The following RBFOX1 variants were observed in gnomAD, a reference collection of about 807,000 sequenced individuals.
The protein encoded by RBFOX1 is RNA binding fox-1 homolog 1, also known as RNA binding protein fox-1 homolog 1.
In RBFOX1, 8 loss-of-function variants were observed where a neutral mutation model predicts 57.7. That is an observed-to-expected ratio of 0.14 (90% CI 0.08 to 0.25). The LOEUF (loss-of-function observed/expected upper bound fraction) is 0.25, where lower values mean the gene tolerates loss of function less well. Ranked by LOEUF, RBFOX1 falls within the 10% of genes least tolerant of loss-of-function variation. The pLI is 1.00. For missense variants in RBFOX1, 611 were observed against 548.5 expected (o/e 1.11, Z -1.14); for synonymous variants, 326 against 222.4 (o/e 1.47, Z -4.15).
intron 2 of RBFOX1, among the ~76,000 whole-genome samples, chr16:6,528,802 C>T (rs1645783516): frequency 6.6e-6 from 1 of 152,146 alleles, no homozygotes; most frequent in African/African-American, 2.4e-5. Flanking sequence ...CACTAGGTGA[C>T]AGTAGCATTC....
chr16:7,108,910 T>G (rs1459335614), intron 4 of RBFOX1, among the ~76,000 whole-genome samples: 1 of 152,170 alleles, frequency 6.6e-6, no homozygotes, highest in African/African-American at 2.4e-5. Flanking sequence ...GGTTGGTTTG[T>G]CTGTACTGAC....
chr16:6,301,352 T>C (rs534370068), intron 1 of RBFOX1, among the ~76,000 whole-genome samples: 1 of 152,304 alleles, frequency 6.6e-6, no homozygotes, highest in Non-Finnish European at 1.5e-5. Flanking sequence ...TTTTTCCAAT[T>C]GCCTAGATAG....
intron 3 of RBFOX1, among the ~76,000 whole-genome samples, chr16:5,760,234 C>T (rs555908761): frequency 3.3e-5 from 5 of 151,874 alleles, no homozygotes; most frequent in Non-Finnish European, 7.4e-5. Context: ...ATCTATGGTC[C>T]CAGGCAAACA....
chr16:7,347,770 C>G (rs562937242), intron 4 of RBFOX1, among the ~76,000 whole-genome samples: 1 of 152,104 alleles, frequency 6.6e-6, no homozygotes, highest in Non-Finnish European at 1.5e-5. Flanking sequence ...GAACTATGCC[C>G]GAGACCCCCA....
intron 4 of RBFOX1, among the ~76,000 whole-genome samples, chr16:7,353,262 T>C (rs1366327813): frequency 2.0e-5 from 3 of 152,152 alleles, no homozygotes; most frequent in African/African-American, 7.2e-5. Flanking sequence ...CTATTACAAA[T>C]GCATTGATGA....
At chr16:6,553,252 C>T (rs1200835646) in intron 2 of RBFOX1, among the ~76,000 whole-genome samples, 1 of 152,160 alleles carries the variant, frequency 6.6e-6, no homozygotes, top group African/African-American at 2.4e-5. Context: ...CACTATAAAT[C>T]AATAGTTTCC....
intron 3 of RBFOX1, among the ~76,000 whole-genome samples, chr16:6,713,635 C>T (rs1568322334): frequency 1.3e-5 from 2 of 152,288 alleles, no homozygotes; most frequent in South Asian, 4.1e-4. Flanking sequence ...TTGGGAACAA[C>T]AGCTTCAAAC....
intron 1 of RBFOX1, among the ~76,000 whole-genome samples, chr16:6,153,548 C>T (rs1227900841): frequency 6.6e-6 from 1 of 151,408 alleles, no homozygotes; most frequent in Non-Finnish European, 1.5e-5. Flanking sequence ...TTTTTTTTTC[C>T]CCCTTGGGAT....
intron 2 of RBFOX1, among the ~76,000 whole-genome samples, chr16:5,498,112 T>A (rs2043063584): frequency 6.6e-6 from 1 of 152,074 alleles, no homozygotes; most frequent in South Asian, 2.1e-4. Context: ...ACTGAAGGTC[T>A]TAGTAAGGGG....
At chr16:6,042,332 A>G (rs57353382) in intron 1 of RBFOX1, among the ~76,000 whole-genome samples, 19,247 of 151,756 alleles carry the variant, frequency 0.13, 1,469 homozygotes, top group African/African-American at 0.2. Flanking sequence ...ATCTCTTAAC[A>G]TTGGGATTTG....
In RBFOX1 at chr16:7,322,355, T is replaced by A. The variant is rs190400671; in HGVS notation, c.28-195792T>A. On this transcript the variant is annotated intron_variant, in intron 4 of 15. Coordinates refer to ENST00000550418, the MANE Select transcript of RBFOX1 (RefSeq NM_018723.4). The stretch of plus-strand genomic sequence containing the variant: ...CTGCCAAGCTGTGGTGAATGCTGAC[T>A]GGCAGGTTCATAGCGTCAAAGTCAC... 2.0e-5 allele frequency among the ~76,000 whole-genome samples: 3 copies of A among 152,368 alleles called. No individual in the cohort carries two copies. The East Asian group carries it at 5.8e-4, about 29-fold the overall frequency.
intron 1 of RBFOX1, among the ~76,000 whole-genome samples, chr16:6,073,326 C>T (rs1383874996): frequency 4.6e-5 from 7 of 152,114 alleles, no homozygotes; most frequent in African/African-American, 1.7e-4. Flanking sequence ...TATTTTTGCA[C>T]CAACCTAATA....
At chr16:7,293,159 A>T (rs1043317894) in intron 4 of RBFOX1, among the ~76,000 whole-genome samples, 1 of 152,210 alleles carries the variant, frequency 6.6e-6, no homozygotes, top group Non-Finnish European at 1.5e-5. Context: ...CTGCAGATCA[A>T]AAATATTCAG....
intron 3 of RBFOX1, among the ~76,000 whole-genome samples, chr16:6,757,008 AAAC>A: frequency 1.5e-5 from 2 of 136,748 alleles, no homozygotes; most frequent in East Asian, 2.2e-4. Context: ...ACAAACAAAC[AAAC>A]AAAAAACATA....
intron 2 of RBFOX1, among the ~76,000 whole-genome samples, chr16:5,564,327 GT>G (rs995186868): frequency 3.3e-5 from 5 of 152,086 alleles, no homozygotes; most frequent in African/African-American, 1.2e-4. Context: ...TGAGGAGAGA[GT>G]TTCTTTACTC....
At chr16:5,432,340 G>C (rs988740106) in intron 1 of RBFOX1, among the ~76,000 whole-genome samples, 86 of 148,306 alleles carry the variant, frequency 5.8e-4, no homozygotes, top group African/African-American at 2.1e-3. Flanking sequence ...AACCAAATTA[G>C]TCATCGTAAT....
chr16:7,165,110 A>T (rs1307605853), intron 4 of RBFOX1, among the ~76,000 whole-genome samples: 1 of 152,190 alleles, frequency 6.6e-6, no homozygotes, highest in East Asian at 1.9e-4. Context: ...CAATCCTGTC[A>T]GTAGTCATCC....
intron 4 of RBFOX1, among the ~76,000 whole-genome samples, chr16:6,003,399 C>T (rs1233413764): frequency 1.3e-5 from 2 of 152,084 alleles, no homozygotes; most frequent in African/African-American, 4.8e-5. Context: ...AGCTCTTCCT[C>T]CTCTCAATGC....
intron 3 of RBFOX1, among the ~76,000 whole-genome samples, chr16:5,631,367 G>A (rs188601741): frequency 5.9e-5 from 9 of 152,250 alleles, no homozygotes; most frequent in Admixed American, 5.9e-4. Flanking sequence ...GACCAGCCTG[G>A]CCAATATGGC....
Sources: gnomAD v4.1 joint callset for allele counts (sites outside exome capture counted in the v4.1 genomes callset) on GRCh38, gnomAD v4.1.1 for gene constraint, MANE v1.5 for transcripts, NCBI Gene and HGNC (gene_info 2026-07-23, HGNC 2026-07-21) for gene names.